The following GPCPD1 variants were observed in gnomAD, a reference collection of about 807,000 sequenced individuals.
GPCPD1 encodes glycerophosphocholine phosphodiesterase 1, also known as glycerophosphocholine phosphodiesterase GPCPD1.
Under a neutral mutation model 89.2 loss-of-function variants are expected in GPCPD1, and 29 were observed. The observed-to-expected ratio is 0.33, with a 90% CI of 0.24 to 0.44. The LOEUF (loss-of-function observed/expected upper bound fraction) is 0.44, where lower values mean the gene tolerates loss of function less well. GPCPD1 is among the 20% of genes least tolerant of loss of function. The pLI is 1.00. For synonymous variants in GPCPD1, 258 were observed against 266.3 expected (o/e 0.97, Z 0.30); for missense variants, 594 against 808.9 (o/e 0.73, Z 3.22).
chr20:5,570,434 A>C (rs933377525), intron 11 of GPCPD1, among the ~76,000 whole-genome samples, 195 bp from the exon 12 acceptor site: 4 of 150,742 alleles, frequency 2.7e-5, no homozygotes, highest in African/African-American at 9.9e-5. Flanking sequence ...GGCAAAAAAA[A>C]AAAAAAAAAA....
chr20:5,567,831 C>T (rs1460779273), intron 12 of GPCPD1: 3 of 290,114 alleles, frequency 1.0e-5, no homozygotes, highest in African/African-American at 2.2e-5. Flanking sequence ...AAAGCTGTAG[C>T]GCTGAAGACA....
rs774632938 is a variant in GPCPD1 at position 5,598,860 on chromosome 20, A to G, written c.50-39T>C. ...ACAATCAGTCACAGAGAAACAGAAC[A>G]ATCAGTCACAGTGGGATAAGCAGGG... On this transcript the variant is annotated intron_variant, in intron 2 of 19. Coordinates refer to ENST00000379019, the MANE Select transcript of GPCPD1 (RefSeq NM_019593.5). 5.5e-6 allele frequency: 7 copies of G among 1,265,598 alleles called. No homozygotes were observed. The East Asian group carries it at 1.6e-4, about 29-fold the overall frequency. 78.4% of individuals were successfully genotyped at this position (1,265,598 alleles called of 1,614,324 possible). A position where few individuals can be genotyped will look rare whatever the true frequency, so the allele number is the denominator to read the frequency against.
At chr20:5,575,597 C>A in intron 9 of GPCPD1, 52 bp from the exon 10 acceptor site, 1 of 1,219,894 alleles carries the variant, frequency 8.2e-7, no homozygotes, top group Non-Finnish European at 1.2e-6. Context: ...TTAAAAGGGC[C>A]ATTATGAGCT....
In GPCPD1 at chr20:5,604,611, CGGG is replaced by C. The variant is rs1209127849; in HGVS notation, c.-28-174_-28-172del. ...TTTTTGTTTTAAAGTAACTTTAGTG[CGGG>C]GGGGGGGGGGCGGGAAAGAAACAAG... On this transcript the variant is annotated intron_variant, in intron 1 of 19. Transcript: ENST00000379019. Among the ~76,000 whole-genome samples, 56 of 6,214 alleles carry C rather than the reference CGGG, an allele frequency of 9.0e-3. 1 individual carries two copies. The highest frequency in any genetic ancestry group is 0.022 in the African/African-American group (54 of 2,480). The allele number at this position is 6,214 out of a possible 152,430, so 4.1% of individuals were successfully genotyped here.
rs146322388 is a variant in GPCPD1 at position 5,566,487 on chromosome 20, A to G, written c.1267+246T>C. Among the ~76,000 whole-genome samples the G allele has an allele frequency of 5.3e-5, 8 of 152,368 alleles. No homozygotes were observed. In the East Asian group the frequency reaches 1.5e-3, roughly 29 times the overall value. Reference sequence around the variant, plus strand: ...TTGTAATGGTTAAGAATGTTTGGAAAGATTGATAAGTATTAACACTTTGAT... The same window carrying G: ...TTGTAATGGTTAAGAATGTTTGGAAGGATTGATAAGTATTAACACTTTGAT... On this transcript the variant is annotated intron_variant, in intron 14 of 19. Coordinates refer to ENST00000379019, the MANE Select transcript of GPCPD1 (RefSeq NM_019593.5).
Position 5,570,215 on chromosome 20 carries a change from C to T in GPCPD1, c.1081G>A (p.Val361Ile), listed in dbSNP as rs781457048. The T allele has an allele frequency of 3.2e-6, 5 of 1,585,560 alleles. No homozygotes were observed. The South Asian group carries it at 3.3e-5, about 11-fold the overall frequency. Residue 361 changes from valine (V) to isoleucine (I), a missense_variant, in exon 12 of 20, where the codon GTA becomes ATA. By Grantham distance (29) the Val-to-Ile change is conservative (BLOSUM62 3). Coordinates refer to ENST00000379019, the MANE Select transcript of GPCPD1 (RefSeq NM_019593.5). ...GGCACAAAGTCCTTTGAAAGGTGTA[C>T]GTCAAATTCTACAAAGGCTGCACCC... ...SHGAAFVEFD[V>I]HLSKDFVPVV... is the part of the protein sequence containing the mutation.
At chr20:5,594,757 T>C (rs1476456064) in intron 3 of GPCPD1, among the ~76,000 whole-genome samples, 2 of 152,226 alleles carry the variant, frequency 1.3e-5, no homozygotes, top group African/African-American at 4.8e-5. Context: ...AATACAGATA[T>C]AGCTCATTGT....
chr20:5,579,527 T>C (rs952689990), intron 7 of GPCPD1, among the ~76,000 whole-genome samples: 1 of 152,150 alleles, frequency 6.6e-6, no homozygotes, highest in African/African-American at 2.4e-5. Flanking sequence ...TTTGTATTTT[T>C]AGTAGAGACG....
At chr20:5,571,923 T>A (rs796737768) in intron 11 of GPCPD1, among the ~76,000 whole-genome samples, 19 of 144,886 alleles carry the variant, frequency 1.3e-4, no homozygotes, top group South Asian at 8.9e-4. Flanking sequence ...AAAAAAAAAA[T>A]TTAACAGGGT....
intron 6 of GPCPD1, among the ~76,000 whole-genome samples, chr20:5,583,910 C>G (rs939213478): frequency 2.6e-5 from 4 of 151,976 alleles, no homozygotes; most frequent in African/African-American, 9.7e-5. Flanking sequence ...AAATAAAAAC[C>G]AAAAGGATAA....
chr20:5,608,400 C>T (rs1486400389), intron 1 of GPCPD1, among the ~76,000 whole-genome samples: 2 of 152,084 alleles, frequency 1.3e-5, no homozygotes, highest in Non-Finnish European at 2.9e-5. Context: ...CCTGAGCGCC[C>T]CCCTCCCCAA....
At chr20:5,551,805 A>T (rs1172841847) in intron 19 of GPCPD1, among the ~76,000 whole-genome samples, 1 of 152,134 alleles carries the variant, frequency 6.6e-6, no homozygotes, top group Non-Finnish European at 1.5e-5. Flanking sequence ...CATCATCCTA[A>T]GTGCAAATTT....
intron 14 of GPCPD1, among the ~76,000 whole-genome samples, chr20:5,565,727 T>A (rs1359420557): frequency 6.6e-6 from 1 of 152,208 alleles, no homozygotes; most frequent in African/African-American, 2.4e-5. Flanking sequence ...TTGCTATTTC[T>A]CCAGAGAATT....
intron 16 of GPCPD1, among the ~76,000 whole-genome samples, chr20:5,560,878 T>G (rs6053497): frequency 0.25 from 37,517 of 152,156 alleles, 5,085 homozygotes; most frequent in East Asian, 0.43. Flanking sequence ...CTCTGATATA[T>G]TCAATAGTTA....
chr20:5,589,757 G>C (rs1223543135), intron 4 of GPCPD1, among the ~76,000 whole-genome samples: 1 of 152,030 alleles, frequency 6.6e-6, no homozygotes, highest in Non-Finnish European at 1.5e-5. Context: ...TATTCTTTAA[G>C]ATCTAAGAAA....
chr20:5,558,117 A>C lies in GPCPD1; in HGVS notation c.1669-12T>G, dbSNP rs1049114026. On this transcript the variant is annotated splice_polypyrimidine_tract_variant and intron_variant, in intron 18 of 19. Coordinates refer to ENST00000379019, the MANE Select transcript of GPCPD1 (RefSeq NM_019593.5). Reference sequence around the variant, plus strand: ...TGTACATTTATCCCCTAGAAGAAGAAAAATTAGTTGTGCATGAAAAAGAAA... The same window carrying C: ...TGTACATTTATCCCCTAGAAGAAGACAAATTAGTTGTGCATGAAAAAGAAA... 5.2e-6 allele frequency: 8 copies of C among 1,541,710 alleles called. No homozygotes were observed. The Admixed American group carries it at 9.9e-5, about 19-fold the overall frequency.
intron 1 of GPCPD1, among the ~76,000 whole-genome samples, chr20:5,605,509 T>C (rs1270807830): frequency 1.3e-5 from 2 of 152,176 alleles, no homozygotes; most frequent in East Asian, 3.8e-4. Flanking sequence ...TCCAGGCAAG[T>C]GGCTCACACC....
At chr20:5,570,522 G>C (rs985561325) in intron 11 of GPCPD1, among the ~76,000 whole-genome samples, 3 of 150,584 alleles carry the variant, frequency 2.0e-5, no homozygotes, top group Non-Finnish European at 4.4e-5. Context: ...TGTTACTTCT[G>C]CAACTGCTAT....
intron 7 of GPCPD1, among the ~76,000 whole-genome samples, chr20:5,579,102 T>C (rs1456317284): frequency 6.6e-6 from 1 of 152,050 alleles, no homozygotes; most frequent in Non-Finnish European, 1.5e-5. Context: ...GGAGGATCAC[T>C]TGAGCGTGAG....
Sources: allele counts gnomAD v4.1 joint callset (sites outside exome capture counted in the v4.1 genomes callset), GRCh38; gene constraint gnomAD v4.1.1; transcripts MANE v1.5; gene names NCBI Gene and HGNC (gene_info 2026-07-23, HGNC 2026-07-21).